CDK12: variants seen among roughly 807,000 people sequenced by gnomAD.
CDK12 encodes the protein cyclin-dependent kinase 12.
CDK12 carries 17 observed loss-of-function variants against 133.8 expected under a neutral mutation model. The ratio of observed to expected loss-of-function variants is 0.13; its 90% CI spans 0.09 to 0.19. The LOEUF (loss-of-function observed/expected upper bound fraction) is 0.19. Among genes scored for constraint, CDK12 ranks in the 10% least tolerant of loss-of-function variants. The pLI is 1.00. For synonymous variants in CDK12, 694 were observed against 683.6 expected, an observed-to-expected ratio of 1.02 and a Z score of -0.24; for missense variants, 1,508 against 1,818.7, an observed-to-expected ratio of 0.83 and a Z score of 3.11.
chr17:39,471,104 T>C lies in CDK12; in HGVS notation c.1272T>C (p.Pro424=), dbSNP rs750538654. The change falls in exon 2 of 14, where the codon CCT becomes CCC. Residue 424 remains proline, a synonymous_variant. Transcript: ENST00000447079. ...KMDGKESKGS[P]VFLPRKENSS... Reference sequence around the variant, plus strand: ...ATGGAAAGGAGTCCAAGGGTTCACCTGTATTTTTGCCTAGAAAAGAGAACA... The same window carrying C: ...ATGGAAAGGAGTCCAAGGGTTCACCCGTATTTTTGCCTAGAAAAGAGAACA... The C allele has an allele frequency of 6.2e-7, 1 of 1,609,044 alleles. No individual in the cohort carries two copies. The highest frequency in any genetic ancestry group is 2.2e-5 in the East Asian group (1 of 44,858).
At chr17:39,486,549 A>G (rs1330029309) in intron 2 of CDK12, among the ~76,000 whole-genome samples, 2 of 152,084 alleles carry the variant, frequency 1.3e-5, no homozygotes, top group Admixed American at 6.6e-5. Context: ...TACAGGCATG[A>G]GTCACCATGC....
intron 8 of CDK12, among the ~76,000 whole-genome samples, chr17:39,512,623 A>G (rs2053568046): frequency 6.6e-6 from 1 of 152,216 alleles, no homozygotes; most frequent in African/African-American, 2.4e-5. Context: ...GTTAACAGTT[A>G]CTTGGCCATT....
At position 39,541,653 on chromosome 17, in the gene CDK12, C is replaced by A. The variant is rs112405648; in HGVS notation, c.451-2596C>A. On this transcript the variant is annotated intron_variant and NMD_transcript_variant, in intron 1 of 4. Transcript: ENST00000559663. ...TACAGGCGTGAGCCACCGCATCCGGCCCCGAGTTTGGCTCTTAAAGGAAGG... is the reference window on the plus strand; with the variant it reads ...TACAGGCGTGAGCCACCGCATCCGGACCCGAGTTTGGCTCTTAAAGGAAGG... Among the ~76,000 whole-genome samples, 35 of 152,308 alleles carry A rather than the reference C, an allele frequency of 2.3e-4. 1 individual carries two copies. The highest frequency in any genetic ancestry group is 5.3e-4 in the African/African-American group (22 of 41,552).
chr17:39,510,035 C>T (rs2053383491), intron 7 of CDK12, among the ~76,000 whole-genome samples: 1 of 151,166 alleles, frequency 6.6e-6, no homozygotes, highest in Non-Finnish European at 1.5e-5. Flanking sequence ...CTCCTGGGCT[C>T]AAGCTGTCTA....
At chr17:39,469,492 TA>T (rs2049616150) in intron 1 of CDK12, among the ~76,000 whole-genome samples, 1 of 152,210 alleles carries the variant, frequency 6.6e-6, no homozygotes, top group African/African-American at 2.4e-5. Flanking sequence ...AACTTTATTA[TA>T]AACTGAGGAT....
In CDK12 at chr17:39,462,625, G is replaced by C; in HGVS notation, c.554G>C (p.Arg185Thr). Residue 185 changes from arginine to threonine, a missense_variant, in exon 1 of 14, where the codon AGG becomes ACG. Transcript: ENST00000447079. ...RSSKLHKEKT[R>T]KERELKSGHK... Reference sequence around the variant, plus strand: ...TCCAAGCTCCACAAGGAGAAGACCAGGAAAGAACGGGAGCTGAAGTCTGGG... The same window carrying C: ...TCCAAGCTCCACAAGGAGAAGACCACGAAAGAACGGGAGCTGAAGTCTGGG... 6.2e-7 allele frequency: 1 copy of C among 1,614,096 alleles called. No individual in the cohort carries two copies. The highest frequency in any genetic ancestry group is 8.5e-7 in the Non-Finnish European group (1 of 1,180,032).
At chr17:39,475,989 C>T (rs1252938665) in intron 2 of CDK12, among the ~76,000 whole-genome samples, 1 of 151,380 alleles carries the variant, frequency 6.6e-6, no homozygotes, top group Non-Finnish European at 1.5e-5. Flanking sequence ...GGGACCCTGG[C>T]CCTTTAGCTA....
chr17:39,489,550 G>T (rs1382874167), intron 2 of CDK12, among the ~76,000 whole-genome samples: 1 of 149,150 alleles, frequency 6.7e-6, no homozygotes, highest in African/African-American at 2.5e-5. Context: ...TGTTGCCTGG[G>T]CTGGAGTGCA....
intron 10 of CDK12, among the ~76,000 whole-genome samples, chr17:39,518,433 C>G (rs1012388663): frequency 6.6e-6 from 1 of 151,782 alleles, no homozygotes; most frequent in Non-Finnish European, 1.5e-5. Flanking sequence ...CCCCAAATTG[C>G]TGGGCTTAAA....
chr17:39,546,620 C>T (rs1416964010), upstream of CDK12: 3 of 152,270 alleles, frequency 2.0e-5, no homozygotes, highest in African/African-American at 7.2e-5. Flanking sequence ...TTTCCAGGTT[C>T]AGTGGGAAAT....
upstream of CDK12, among the ~76,000 whole-genome samples, chr17:39,548,790 G>A (rs920149628): frequency 1.3e-5 from 2 of 152,166 alleles, no homozygotes; most frequent in African/African-American, 4.8e-5. Context: ...TGGCCCTGGG[G>A]CCTCTATGGG....
At chr17:39,467,291 TAA>T (rs1386611020) in intron 1 of CDK12, among the ~76,000 whole-genome samples, 2 of 152,162 alleles carry the variant, frequency 1.3e-5, no homozygotes, top group African/African-American at 4.8e-5. Flanking sequence ...AACCTAATTT[TAA>T]AAGACTGAAA....
Position 39,462,389 on chromosome 17 carries a change from C to T in CDK12, c.318C>T (p.Asp106=), listed in dbSNP as rs893957608. 29 of 1,614,048 alleles carry T rather than the reference C, an allele frequency of 1.8e-5. No individual in the cohort carries two copies. The highest frequency in any genetic ancestry group is 2.5e-5 in the Non-Finnish European group (29 of 1,180,046). The part of the protein sequence containing the change: ...NDERRGSDRS[D]RLHKHRHHQH... The stretch of plus-strand genomic sequence containing the variant: ...AACGTCGTGGATCAGATCGGAGCGA[C>T]CGCCTGCACAAACATCGTCACCACC... Residue 106 remains aspartate, a synonymous_variant, in exon 1 of 14, where the codon GAC becomes GAT. Transcript: ENST00000447079.
At chr17:39,480,944 A>G (rs2050593828) in intron 2 of CDK12, among the ~76,000 whole-genome samples, 1 of 152,158 alleles carries the variant, frequency 6.6e-6, no homozygotes, top group South Asian at 2.1e-4. Context: ...GATCATCTGT[A>G]TACTTTTCTT....
downstream of CDK12, among the ~76,000 whole-genome samples, chr17:39,535,494 T>A (rs575139825): frequency 6.6e-6 from 1 of 152,320 alleles, no homozygotes; most frequent in African/African-American, 2.4e-5. Flanking sequence ...TGGAATTATG[T>A]GTTCCTGGTT....
chr17:39,525,840 A>AT, intron 12 of CDK12, 24 bp from the exon 13 acceptor site: 1 of 1,597,118 alleles, frequency 6.3e-7, no homozygotes, highest in African/African-American at 1.3e-5. Flanking sequence ...ATCGTCTTAT[A>AT]TTGGCTTCAC....
At chr17:39,472,264 A>G (rs939216575) in intron 2 of CDK12, among the ~76,000 whole-genome samples, 1 of 151,968 alleles carries the variant, frequency 6.6e-6, no homozygotes, top group Admixed American at 6.6e-5. Context: ...GATTACAGGC[A>G]TGAGCCACCA....
In CDK12 at chr17:39,471,273, G is replaced by T. The variant is rs2049770855; in HGVS notation, c.1441G>T (p.Val481Leu). Reference protein sequence around the residue: ...EVKNSSDTGKVKLDENSEKHL... With the variant: ...EVKNSSDTGKLKLDENSEKHL... ...AAAAAATTCTTCAGATACAGGGAAA[G>T]TAAAGTTGGATGAGAACTCCGAGAA... The change falls in exon 2 of 14, where the codon GTA (valine) becomes TTA (leucine). Residue 481 changes from valine (V) to leucine (L), a missense_variant. By Grantham distance (32) the Val-to-Leu change is conservative. Coordinates refer to ENST00000447079, the MANE Select transcript of CDK12 (RefSeq NM_016507.4). The T allele has an allele frequency of 6.2e-7, 1 of 1,612,830 alleles. No individual in the cohort carries two copies. Among genetic ancestry groups the T allele is most frequent in the Non-Finnish European group, 8.5e-7 (1 of 1,179,678 alleles).
chr17:39,464,749 A>G (rs964675517), intron 1 of CDK12, among the ~76,000 whole-genome samples: 17 of 151,360 alleles, frequency 1.1e-4, no homozygotes, highest in Admixed American at 4.0e-4. Context: ...TATTTGCTGT[A>G]TCCAGGCTGG....
Sources: gnomAD v4.1 joint callset for allele counts (sites outside exome capture counted in the v4.1 genomes callset) on GRCh38, gnomAD v4.1.1 for gene constraint, MANE v1.5 for transcripts, NCBI Gene and HGNC (gene_info 2026-07-23, HGNC 2026-07-21) for gene names.